The following MCHR2 variants were observed in gnomAD, a reference collection of about 807,000 sequenced individuals.
The protein encoded by MCHR2 is melanin-concentrating hormone receptor 2.
MCHR2 carries 15 observed loss-of-function variants against 24.8 expected under a neutral mutation model. That is an observed-to-expected ratio of 0.60 (90% CI 0.40 to 0.93). The LOEUF is 0.93. Ranked by LOEUF, MCHR2 falls within the 40% of genes least tolerant of loss-of-function variation. The pLI is 0.00. For synonymous variants in MCHR2, 151 were observed against 147.6 expected, an observed-to-expected ratio of 1.02 and a Z score of -0.17; for missense variants, 386 against 408.7, an observed-to-expected ratio of 0.94 and a Z score of 0.48.
At chr6:99,980,914 A>C (rs761424013) in intron 1 of MCHR2, among the ~76,000 whole-genome samples, 3 of 152,234 alleles carry the variant, frequency 2.0e-5, no homozygotes, top group Non-Finnish European at 4.4e-5. Context: ...TGAAAATATT[A>C]GCATTCATTT....
chr6:99,923,534 A>ACC (rs1450983221), intron 5 of MCHR2, among the ~76,000 whole-genome samples: 1 of 152,076 alleles, frequency 6.6e-6, no homozygotes, highest in Non-Finnish European at 1.5e-5. Context: ...TGTCTGTCAT[A>ACC]TATGGCTTTT....
At chr6:99,953,351 G>A (rs1775000560) in intron 2 of MCHR2, among the ~76,000 whole-genome samples, 1 of 152,102 alleles carries the variant, frequency 6.6e-6, no homozygotes, top group Non-Finnish European at 1.5e-5. Flanking sequence ...TTGAGTGTAG[G>A]ACACACCATA....
intron 5 of MCHR2, among the ~76,000 whole-genome samples, chr6:99,932,021 C>T (rs1774555800): frequency 6.6e-6 from 1 of 152,118 alleles, no homozygotes; most frequent in African/African-American, 2.4e-5. Context: ...TGAAGTTCTC[C>T]CTTTAGAATT....
chr6:99,974,611 G>A (rs1052750210), intron 1 of MCHR2, among the ~76,000 whole-genome samples: 3 of 152,198 alleles, frequency 2.0e-5, no homozygotes, highest in South Asian at 2.1e-4. Context: ...AAGGAGCTGC[G>A]TTCCTTTGGT....
chr6:99,986,740 T>A (rs1775776192), intron 1 of MCHR2, among the ~76,000 whole-genome samples: 1 of 151,782 alleles, frequency 6.6e-6, no homozygotes, highest in Non-Finnish European at 1.5e-5. Flanking sequence ...ATTTGGGTGA[T>A]AGGTACACTA....
chr6:99,956,319 C>T (rs1454351960), intron 1 of MCHR2, 145 bp from the exon 2 acceptor site: 2 of 575,178 alleles, frequency 3.5e-6, no homozygotes, highest in African/African-American at 1.9e-5. Context: ...TATGATTGGT[C>T]CCTGTTCATA....
intron 4 of MCHR2, among the ~76,000 whole-genome samples, chr6:99,936,928 C>T (rs1774673392): frequency 1.3e-5 from 2 of 151,590 alleles, no homozygotes; most frequent in Non-Finnish European, 3.0e-5. Context: ...TATATCACTT[C>T]TTTTGTTGAA....
intron 1 of MCHR2, among the ~76,000 whole-genome samples, chr6:99,960,257 G>C (rs1775155800): frequency 6.6e-6 from 1 of 152,094 alleles, no homozygotes; most frequent in Non-Finnish European, 1.5e-5. Context: ...GAAAATTAAA[G>C]AGAGATAAAG....
intron 1 of MCHR2, among the ~76,000 whole-genome samples, chr6:99,985,671 T>C (rs1775755948): frequency 6.6e-6 from 1 of 152,102 alleles, no homozygotes; most frequent in African/African-American, 2.4e-5. Context: ...TATACAAAAG[T>C]TAATGCAAAA....
At chr6:99,963,885 A>T (rs1448705845) in intron 1 of MCHR2, among the ~76,000 whole-genome samples, 1 of 152,118 alleles carries the variant, frequency 6.6e-6, no homozygotes, top group Admixed American at 6.6e-5. Flanking sequence ...ACATATAAAC[A>T]ACAAAAGGCT....
chr6:99,979,939 A>G (rs1192029122), intron 1 of MCHR2, among the ~76,000 whole-genome samples: 1 of 152,250 alleles, frequency 6.6e-6, no homozygotes, highest in Non-Finnish European at 1.5e-5. Context: ...AAAAATTTGT[A>G]AATGGCTTGG....
intron 1 of MCHR2, among the ~76,000 whole-genome samples, chr6:99,992,361 C>T (rs1387875983): frequency 2.0e-5 from 3 of 152,206 alleles, no homozygotes; most frequent in African/African-American, 7.2e-5. Flanking sequence ...ATAATTGCTG[C>T]CTCTTATGCA....
intron 1 of MCHR2, among the ~76,000 whole-genome samples, chr6:99,989,903 C>G (rs1775837340): frequency 6.6e-6 from 1 of 152,076 alleles, no homozygotes; most frequent in Non-Finnish European, 1.5e-5. Context: ...TAATCTCCCT[C>G]AAAGAGAGCA....
chr6:99,985,786 C>T (rs1775757841), intron 1 of MCHR2, among the ~76,000 whole-genome samples: 1 of 152,038 alleles, frequency 6.6e-6, no homozygotes, highest in Non-Finnish European at 1.5e-5. Context: ...ATGACTAAGT[C>T]CTCAAAAAGA....
chr6:99,977,661 C>T (rs1363213703), intron 1 of MCHR2, among the ~76,000 whole-genome samples: 2 of 152,028 alleles, frequency 1.3e-5, no homozygotes, highest in African/African-American at 2.4e-5. Flanking sequence ...TTTCCACTGG[C>T]CCCTAGAGGT....
chr6:99,926,146 C>T (rs2114488079), intron 5 of MCHR2, among the ~76,000 whole-genome samples: 1 of 152,190 alleles, frequency 6.6e-6, no homozygotes, highest in African/African-American at 2.4e-5. Context: ...CATCCATGTC[C>T]CTATAAAGGA....
chr6:99,975,685 C>T (rs191079323), intron 1 of MCHR2, among the ~76,000 whole-genome samples: 9 of 152,290 alleles, frequency 5.9e-5, no homozygotes, highest in South Asian at 4.1e-4. Flanking sequence ...AGCTGTAGAC[C>T]GGAGCTGTTC....
chr6:99,979,594 T>A lies in MCHR2; in HGVS notation c.-28+14342A>T, dbSNP rs1377256915. Among the ~76,000 whole-genome samples, 5 of 152,344 alleles carry A rather than the reference T, an allele frequency of 3.3e-5. No homozygotes were observed. In the South Asian group the frequency reaches 1.0e-3, roughly 32 times the overall value. ...AAAATTTTTAATAGACTAGGTTAAA[T>A]TAAATGTATTATTAAAATTAATTTC... On this transcript the variant is annotated intron_variant, in intron 1 of 5. Transcript: ENST00000281806.
chr6:99,950,871 C>G (rs1195325845), intron 2 of MCHR2, among the ~76,000 whole-genome samples: 1 of 152,152 alleles, frequency 6.6e-6, no homozygotes, highest in Non-Finnish European at 1.5e-5. Flanking sequence ...ACTAACAAAA[C>G]ATAACACTAC....
Sources: allele counts gnomAD v4.1 joint callset (sites outside exome capture counted in the v4.1 genomes callset), GRCh38; gene constraint gnomAD v4.1.1; transcripts MANE v1.5; gene names NCBI Gene and HGNC (gene_info 2026-07-23, HGNC 2026-07-21).